GCNT2: variants seen among roughly 807,000 people sequenced by gnomAD.
GCNT2 encodes glucosaminyl (N-acetyl) transferase 2 (I blood group).
Under a neutral mutation model 34.2 loss-of-function variants are expected in GCNT2, and 34 were observed. That is an observed-to-expected ratio of 1.00 (90% CI 0.76 to 1.32). GCNT2 has a LOEUF of 1.32. Ranked by LOEUF, GCNT2 falls within the 40% of genes most tolerant of loss-of-function variation. The pLI is 0.00. For synonymous variants in GCNT2, 212 were observed against 188.0 expected (o/e 1.13, Z -1.04); for missense variants, 584 against 489.4 (o/e 1.19, Z -1.82).
chr6:10,618,354 G>A (rs1765884994), intron 3 of GCNT2, among the ~76,000 whole-genome samples: 1 of 152,176 alleles, frequency 6.6e-6, no homozygotes, highest in South Asian at 2.1e-4. Flanking sequence ...GTTAGTAGGT[G>A]TTATGTGTTC....
intron 3 of GCNT2, among the ~76,000 whole-genome samples, chr6:10,604,099 G>A (rs763218888): frequency 1.3e-5 from 2 of 151,948 alleles, no homozygotes; most frequent in Non-Finnish European, 2.9e-5. Flanking sequence ...GTTTCACAAT[G>A]TTGGCCAGCA....
chr6:10,525,120 T>C (rs1173333238), intron 1 of GCNT2, among the ~76,000 whole-genome samples: 1 of 152,202 alleles, frequency 6.6e-6, no homozygotes, highest in Non-Finnish European at 1.5e-5. Context: ...ACCCCTTTTT[T>C]TCTGCTTCTC....
intron 3 of GCNT2, among the ~76,000 whole-genome samples, chr6:10,621,023 G>C (rs1454311388): frequency 6.6e-6 from 1 of 152,120 alleles, no homozygotes; most frequent in Non-Finnish European, 1.5e-5. Context: ...GAGAAACCCT[G>C]GCTTAGCAAG....
intron 3 of GCNT2, among the ~76,000 whole-genome samples, chr6:10,606,873 TCTC>T (rs924199210): frequency 1.3e-5 from 2 of 152,122 alleles, no homozygotes; most frequent in South Asian, 2.1e-4. Context: ...TATAACCAGC[TCTC>T]CTCATGTATT....
intron 3 of GCNT2, among the ~76,000 whole-genome samples, chr6:10,569,221 A>C: frequency 6.7e-5 from 9 of 133,910 alleles, no homozygotes; most frequent in African/African-American, 1.7e-4. Flanking sequence ...ACCCCCTGCC[A>C]CCCACTCCCC....
chr6:10,620,630 C>T (rs1199374617), intron 3 of GCNT2, among the ~76,000 whole-genome samples: 1 of 152,074 alleles, frequency 6.6e-6, no homozygotes, highest in Non-Finnish European at 1.5e-5. Context: ...ATCTTCTTAC[C>T]TCGGCCTCCT....
intron 3 of GCNT2, chr6:10,556,314 C>G (rs1762699188): frequency 6.4e-7 from 1 of 1,571,806 alleles, no homozygotes; most frequent in Non-Finnish European, 8.6e-7. Context: ...TCCAACAGGG[C>G]AGGAGTGAGT....
rs1179019444 is a variant in GCNT2 at position 10,589,077 on chromosome 6, C to T, written c.926-32274C>T. On this transcript the variant is annotated intron_variant, in intron 3 of 4. Coordinates refer to ENST00000495262, the MANE Select transcript of GCNT2 (RefSeq NM_145649.5). ...TGTGTGGTGTGTGTGTAGTGTGTGGCGTGTTTGTAGTGTGGTGTGTGTGTA... is the reference window on the plus strand; with the variant it reads ...TGTGTGGTGTGTGTGTAGTGTGTGGTGTGTTTGTAGTGTGGTGTGTGTGTA... 3.0e-3 allele frequency among the ~76,000 whole-genome samples: 168 copies of T among 56,122 alleles called. 2 individuals carry two copies. Among genetic ancestry groups the T allele is most frequent in the African/African-American group, 0.01 (135 of 13,354 alleles). The allele number at this position is 56,122 out of a possible 152,430, so 36.8% of individuals were successfully genotyped here.
At chr6:10,560,839 C>G (rs1425802409) in intron 3 of GCNT2, among the ~76,000 whole-genome samples, 1 of 152,020 alleles carries the variant, frequency 6.6e-6, no homozygotes, top group Non-Finnish European at 1.5e-5. Flanking sequence ...TACAACAGGC[C>G]AGAAAGAGGT....
chr6:10,540,573 T>C (rs1761996548), intron 3 of GCNT2, among the ~76,000 whole-genome samples: 1 of 151,988 alleles, frequency 6.6e-6, no homozygotes, highest in Non-Finnish European at 1.5e-5. Context: ...GCACACCAAA[T>C]GTGAGCAGGC....
intron 1 of GCNT2, among the ~76,000 whole-genome samples, chr6:10,524,838 CA>C (rs1233341089): frequency 6.9e-6 from 1 of 145,648 alleles, no homozygotes; most frequent in African/African-American, 2.5e-5. Flanking sequence ...CCCCACCCCC[CA>C]AAAAAAAGAA....
intron 3 of GCNT2, among the ~76,000 whole-genome samples, chr6:10,569,448 A>G (rs190620618): frequency 7.9e-5 from 12 of 152,104 alleles, no homozygotes; most frequent in Admixed American, 2.0e-4. Context: ...CAGCCTCCCA[A>G]GTAGCTGGGA....
intron 3 of GCNT2, among the ~76,000 whole-genome samples, chr6:10,580,307 A>T (rs1225078974): frequency 6.6e-6 from 1 of 152,090 alleles, no homozygotes; most frequent in Non-Finnish European, 1.5e-5. Flanking sequence ...TCTCATTCCC[A>T]GCAGCCCCCA....
At position 10,626,939 on chromosome 6, in the gene GCNT2, G is replaced by C; in HGVS notation, c.*332G>C. The C allele has an allele frequency of 3.5e-6, 1 of 285,692 alleles. No homozygotes were observed. Among genetic ancestry groups the C allele is most frequent in the East Asian group, 7.7e-5 (1 of 12,998 alleles). 17.7% of individuals were successfully genotyped at this position (285,692 alleles called of 1,614,324 possible). On this transcript the variant is annotated 3_prime_UTR_variant, in exon 5 of 5. Transcript: ENST00000495262. ...ATACTCATCATATACAAATGTTTTA[G>C]TAAAAAAGAGAATTGTAGATAATAC...
chr6:10,533,265 C>T (rs1490206898), intron 3 of GCNT2, among the ~76,000 whole-genome samples: 1 of 151,598 alleles, frequency 6.6e-6, no homozygotes, highest in Non-Finnish European at 1.5e-5. Context: ...AAGATCCTGC[C>T]ACTGCACTCG....
intron 3 of GCNT2, among the ~76,000 whole-genome samples, chr6:10,619,830 G>C (rs1048594299): frequency 3.3e-5 from 5 of 152,186 alleles, no homozygotes; most frequent in Non-Finnish European, 7.3e-5. Context: ...CTGTCTGTAG[G>C]CTCTGAATAC....
intron 3 of GCNT2, chr6:10,556,491 CTG>C (rs748402037): frequency 7.4e-6 from 12 of 1,613,950 alleles, no homozygotes; most frequent in East Asian, 4.5e-5. Flanking sequence ...ATCGTCTTCT[CTG>C]TGTTCAATTT....
At chr6:10,624,710 C>G (rs779632348) in intron 4 of GCNT2, among the ~76,000 whole-genome samples, 14 of 152,228 alleles carry the variant, frequency 9.2e-5, no homozygotes, top group African/African-American at 1.4e-4. Context: ...GCCCCACCAT[C>G]TTAGAGCTGT....
chr6:10,572,039 A>G (rs979956732), intron 3 of GCNT2, among the ~76,000 whole-genome samples: 2 of 149,432 alleles, frequency 1.3e-5, no homozygotes, highest in Non-Finnish European at 2.9e-5. Flanking sequence ...TAGAGTGAAC[A>G]ATTCTCCCTG....
Sources: gnomAD v4.1 joint callset for allele counts (sites outside exome capture counted in the v4.1 genomes callset) on GRCh38, gnomAD v4.1.1 for gene constraint, MANE v1.5 for transcripts, NCBI Gene and HGNC (gene_info 2026-07-23, HGNC 2026-07-21) for gene names.